The following SPATS2 variants were observed in gnomAD, a reference collection of about 807,000 sequenced individuals.
The protein encoded by SPATS2 is spermatogenesis associated serine rich 2, also known as spermatogenesis-associated serine-rich protein 2.
In SPATS2, 38 loss-of-function variants were observed where a neutral mutation model predicts 63.7. The observed-to-expected ratio is 0.60, with a 90% CI of 0.46 to 0.78. The LOEUF (loss-of-function observed/expected upper bound fraction) is 0.78, where lower values mean the gene tolerates loss of function less well. SPATS2 is among the 30% of genes least tolerant of loss of function. The pLI, the probability that SPATS2 is intolerant of heterozygous loss-of-function variation, is 0.00. For missense variants in SPATS2, 588 were observed against 666.2 expected (o/e 0.88, Z 1.29); for synonymous variants, 207 against 232.9 (o/e 0.89, Z 1.01).
chr12:49,425,534 C>T (rs1354272600), intron 2 of SPATS2, among the ~76,000 whole-genome samples: 3 of 151,756 alleles, frequency 2.0e-5, no homozygotes, highest in Non-Finnish European at 4.4e-5. Context: ...TGCCCAGGCT[C>T]GTCTCGAACT....
intron 8 of SPATS2, among the ~76,000 whole-genome samples, chr12:49,499,196 C>T (rs973352989): frequency 6.6e-5 from 10 of 152,158 alleles, no homozygotes; most frequent in Admixed American, 3.9e-4. Flanking sequence ...ACTTATAGGT[C>T]ATATTTTTCT....
At chr12:49,433,337 A>G (rs1945218642) in intron 2 of SPATS2, among the ~76,000 whole-genome samples, 2 of 152,152 alleles carry the variant, frequency 1.3e-5, no homozygotes, top group Non-Finnish European at 2.9e-5. Context: ...TAATTTTTGT[A>G]TTTTTAGTAG....
chr12:49,367,384 G>A, upstream of SPATS2: 1 of 395,870 alleles, frequency 2.5e-6, no homozygotes, highest in East Asian at 3.6e-5. Context: ...CTGCAGTCCG[G>A]CCCAGGAGAG....
chr12:49,440,917 A>G (rs548372868), intron 2 of SPATS2, among the ~76,000 whole-genome samples: 1 of 152,218 alleles, frequency 6.6e-6, no homozygotes, highest in Non-Finnish European at 1.5e-5. Flanking sequence ...CAGGAGCCAC[A>G]TGATGTTCAT....
chr12:49,415,727 G>A (rs113557156), intron 2 of SPATS2, among the ~76,000 whole-genome samples: 2,302 of 152,214 alleles, frequency 0.015, 58 homozygotes, highest in African/African-American at 0.052. Context: ...TTTCTGTAAA[G>A]GGCCAGATAG....
At chr12:49,508,017 C>G (rs571283851) in intron 9 of SPATS2, among the ~76,000 whole-genome samples, 1 of 152,148 alleles carries the variant, frequency 6.6e-6, no homozygotes, top group Non-Finnish European at 1.5e-5. Flanking sequence ...TGTGGTATTA[C>G]GTTCATGTTA....
chr12:49,443,472 T>A (rs1372591281), intron 2 of SPATS2, among the ~76,000 whole-genome samples: 1 of 152,186 alleles, frequency 6.6e-6, no homozygotes, highest in Admixed American at 6.5e-5. Context: ...ATAAGGTGCA[T>A]GTTGTTTTTT....
At chr12:49,445,293 A>T (rs750962637) in intron 2 of SPATS2, among the ~76,000 whole-genome samples, 1 of 152,114 alleles carries the variant, frequency 6.6e-6, no homozygotes, top group Non-Finnish European at 1.5e-5. Context: ...TTTAAAAACC[A>T]TGAATGGGTA....
At chr12:49,379,362 A>G (rs929265875) in intron 2 of SPATS2, among the ~76,000 whole-genome samples, 1 of 149,536 alleles carries the variant, frequency 6.7e-6, no homozygotes, top group East Asian at 2.1e-4. Context: ...CCTGGCTAAC[A>G]TGGTGAAACC....
chr12:49,453,856 C>CTTTTTTTTT lies in SPATS2; in HGVS notation c.-243-6898_-243-6890dup, dbSNP rs869155580. Among the ~76,000 whole-genome samples, 22 of 76,198 alleles carry CTTTTTTTTT rather than the reference C, an allele frequency of 2.9e-4. 1 individual carries two copies. The highest frequency in any genetic ancestry group is 9.4e-4 in the African/African-American group (17 of 18,178). 50.0% of individuals were successfully genotyped at this position (76,198 alleles called of 152,430 possible). ...ACACAGAATTGCAGCAAATAGCATTCTTTTTTTTTTTTTTTTTTTTTTTTG... is the reference window on the plus strand; with the variant it reads ...ACACAGAATTGCAGCAAATAGCATTCTTTTTTTTTTTTTTTTTTTTTTTTTTTTTTTTTG... On this transcript the variant is annotated intron_variant, in intron 2 of 13. Coordinates refer to ENST00000552918, the MANE Select transcript of SPATS2 (RefSeq NM_023071.4).
chr12:49,374,826 TG>T (rs1944065130), intron 2 of SPATS2, among the ~76,000 whole-genome samples: 1 of 151,952 alleles, frequency 6.6e-6, no homozygotes, highest in African/African-American at 2.4e-5. Flanking sequence ...CCGGGTGTGT[TG>T]GTGCATGCCT....
chr12:49,453,639 C>A (rs2137629019), intron 2 of SPATS2, among the ~76,000 whole-genome samples: 1 of 152,050 alleles, frequency 6.6e-6, no homozygotes, highest in Non-Finnish European at 1.5e-5. Flanking sequence ...TAGTGAGACC[C>A]TGTCTCTGCA....
At chr12:49,523,680 G>C (rs190569845) in intron 12 of SPATS2, among the ~76,000 whole-genome samples, 23 of 152,118 alleles carry the variant, frequency 1.5e-4, no homozygotes, top group African/African-American at 5.1e-4. Context: ...TGCCAGGCGC[G>C]GTGGCTCATG....
chr12:49,403,641 A>AC (rs368421701), intron 2 of SPATS2, among the ~76,000 whole-genome samples: 2,140 of 143,592 alleles, frequency 0.015, 69 homozygotes, highest in African/African-American at 0.054. Context: ...ACACACACAC[A>AC]AACAAAACTG....
chr12:49,493,939 T>C (rs537010136), intron 6 of SPATS2, among the ~76,000 whole-genome samples: 3 of 152,374 alleles, frequency 2.0e-5, no homozygotes, highest in African/African-American at 7.2e-5. Flanking sequence ...ATAGTCATCC[T>C]GCTGTTTAGA....
chr12:49,500,356 GT>G (rs1276328233), intron 9 of SPATS2, 151 bp downstream of exon 9: 137 of 882,616 alleles, frequency 1.6e-4, no homozygotes, highest in Non-Finnish European at 4.0e-5. Context: ...TTTCTGCTTT[GT>G]TCTATTTCTC....
At chr12:49,391,994 G>A (rs1368110961) in intron 2 of SPATS2, among the ~76,000 whole-genome samples, 1 of 152,066 alleles carries the variant, frequency 6.6e-6, no homozygotes, top group Non-Finnish European at 1.5e-5. Flanking sequence ...TTGTTTTTGG[G>A]AAAGTATCCC....
intron 10 of SPATS2, among the ~76,000 whole-genome samples, chr12:49,515,353 C>T (rs141267685): frequency 1.5e-3 from 230 of 152,304 alleles, no homozygotes; most frequent in African/African-American, 5.4e-3. Flanking sequence ...CTGCATTGAA[C>T]GCCAGATTAA....
intron 2 of SPATS2, among the ~76,000 whole-genome samples, chr12:49,371,491 G>C (rs1185142006): frequency 6.6e-6 from 1 of 152,202 alleles, no homozygotes; most frequent in African/African-American, 2.4e-5. Flanking sequence ...CCTTTTGGCT[G>C]TTGTGAATAA....
Sources: allele counts gnomAD v4.1 joint callset (sites outside exome capture counted in the v4.1 genomes callset), GRCh38; gene constraint gnomAD v4.1.1; transcripts MANE v1.5; gene names NCBI Gene and HGNC (gene_info 2026-07-23, HGNC 2026-07-21).